Variants in SLC25A21 observed in about 807,000 individuals in gnomAD.
SLC25A21 encodes solute carrier family 25 member 21, also known as mitochondrial 2-oxodicarboxylate carrier.
Under a neutral mutation model 43.8 loss-of-function variants are expected in SLC25A21, and 47 were observed. The observed-to-expected ratio is 1.07, with a 90% confidence interval of 0.85 to 1.37. SLC25A21 has a LOEUF of 1.37. SLC25A21 is among the 40% of genes most tolerant of loss of function. SLC25A21 has a pLI of 0.00. For synonymous variants in SLC25A21, 131 were observed against 121.3 expected (o/e 1.08, Z -0.52); for missense variants, 352 against 350.2 (o/e 1.00, Z -0.04).
At chr14:36,930,268 A>C (rs1032857566) in intron 1 of SLC25A21, among the ~76,000 whole-genome samples, 2 of 152,198 alleles carry the variant, frequency 1.3e-5, no homozygotes, top group Non-Finnish European at 2.9e-5. Context: ...CACAAAAATA[A>C]AACATTAGTC....
intron 1 of SLC25A21, among the ~76,000 whole-genome samples, chr14:37,153,351 G>A (rs1963791687): frequency 2.0e-5 from 3 of 152,224 alleles, no homozygotes; most frequent in Admixed American, 6.5e-5. Flanking sequence ...GGAATGAGGA[G>A]TAAGATGGGA....
intron 1 of SLC25A21, among the ~76,000 whole-genome samples, chr14:37,014,822 G>T (rs1594752929): frequency 6.6e-6 from 1 of 152,100 alleles, no homozygotes; most frequent in African/African-American, 2.4e-5. Context: ...TGGCAGGCAT[G>T]AAAACAACAT....
chr14:36,975,223 G>A (rs1240203054), intron 1 of SLC25A21, among the ~76,000 whole-genome samples: 3 of 150,034 alleles, frequency 2.0e-5, no homozygotes, highest in African/African-American at 7.3e-5. Context: ...GATGCCAGAG[G>A]GTGTGGAAGC....
At chr14:36,818,698 T>G (rs527786698) in intron 2 of SLC25A21, among the ~76,000 whole-genome samples, 1 of 152,342 alleles carries the variant, frequency 6.6e-6, no homozygotes, top group South Asian at 2.1e-4. Context: ...TTATCAGTTC[T>G]TCTCAGGAAT....
chr14:36,810,726 C>G (rs1434933035), intron 3 of SLC25A21, among the ~76,000 whole-genome samples: 1 of 152,146 alleles, frequency 6.6e-6, no homozygotes, highest in South Asian at 2.1e-4. Flanking sequence ...CTGAGTGTCT[C>G]TACTCAGTGC....
At chr14:36,725,809 C>A in intron 5 of SLC25A21, 132 bp from the exon 6 acceptor site, 7 of 364,586 alleles carry the variant, frequency 1.9e-5, no homozygotes, top group East Asian at 4.6e-5. Context: ...CACCATATTC[C>A]ATTACTAAAC....
intron 2 of SLC25A21, among the ~76,000 whole-genome samples, chr14:36,868,149 G>T (rs1202147035): frequency 6.8e-6 from 1 of 147,426 alleles, no homozygotes; most frequent in African/African-American, 2.5e-5. Flanking sequence ...TATAATTAAA[G>T]ATTATTTTAT....
At chr14:36,988,673 A>G (rs191638713) in intron 1 of SLC25A21, among the ~76,000 whole-genome samples, 31 of 152,270 alleles carry the variant, frequency 2.0e-4, no homozygotes, top group African/African-American at 6.5e-4. Flanking sequence ...ACTCAGACCA[A>G]CTGAGCTGGA....
intron 1 of SLC25A21, among the ~76,000 whole-genome samples, chr14:36,983,136 T>C (rs541681361): frequency 1.3e-5 from 2 of 152,340 alleles, no homozygotes; most frequent in African/African-American, 4.8e-5. Context: ...TCACTTGACA[T>C]TTAAGAGTCT....
intron 1 of SLC25A21, among the ~76,000 whole-genome samples, chr14:36,931,347 T>G (rs566509062): frequency 3.3e-5 from 5 of 152,150 alleles, no homozygotes; most frequent in Non-Finnish European, 7.4e-5. Context: ...TTGGCAAGGA[T>G]GCAGATAGCT....
chr14:36,800,647 G>A (rs1887838632), intron 3 of SLC25A21, among the ~76,000 whole-genome samples: 1 of 152,122 alleles, frequency 6.6e-6, no homozygotes, highest in African/African-American at 2.4e-5. Context: ...GAAAAGTTCT[G>A]AAGATGCAGT....
At chr14:37,073,758 G>C (rs1225028985) in intron 1 of SLC25A21, among the ~76,000 whole-genome samples, 3 of 151,940 alleles carry the variant, frequency 2.0e-5, no homozygotes, top group Admixed American at 6.6e-5. Flanking sequence ...CAGGCACTCT[G>C]GTATCAATTT....
intron 1 of SLC25A21, among the ~76,000 whole-genome samples, chr14:37,122,297 G>T (rs188383104): frequency 1.3e-5 from 2 of 152,298 alleles, no homozygotes. Flanking sequence ...GGATTTTCAT[G>T]TCTAAATTCT....
chr14:36,970,780 T>C (rs971869789), intron 1 of SLC25A21, among the ~76,000 whole-genome samples: 5 of 152,218 alleles, frequency 3.3e-5, no homozygotes, highest in African/African-American at 1.2e-4. Flanking sequence ...TAGTTTTATA[T>C]GGCTTGATCT....
At chr14:36,779,371 CTATA>C (rs575814051) in intron 3 of SLC25A21, among the ~76,000 whole-genome samples, 1,777 of 142,892 alleles carry the variant, frequency 0.012, 37 homozygotes, top group African/African-American at 0.042. Flanking sequence ...ATATCTCTCT[CTATA>C]TATACACACA....
chr14:36,925,772 A>G (rs2138630322), intron 1 of SLC25A21, among the ~76,000 whole-genome samples: 1 of 152,178 alleles, frequency 6.6e-6, no homozygotes, highest in East Asian at 1.9e-4. Context: ...GCTTGAACCC[A>G]GGGGGCAGAG....
intron 7 of SLC25A21, among the ~76,000 whole-genome samples, chr14:36,689,798 C>G (rs1406352246): frequency 6.6e-6 from 1 of 152,184 alleles, no homozygotes; most frequent in African/African-American, 2.4e-5. Flanking sequence ...TTGAACAAGT[C>G]CTCCAAGTTA....
intron 3 of SLC25A21, among the ~76,000 whole-genome samples, chr14:36,758,777 T>C (rs1886030850): frequency 6.6e-6 from 1 of 152,092 alleles, no homozygotes; most frequent in Admixed American, 6.5e-5. Context: ...ACTGGATGCA[T>C]CCTGAGGGAA....
At chr14:36,802,147 C>G (rs771427569) in intron 3 of SLC25A21, among the ~76,000 whole-genome samples, 1 of 152,048 alleles carries the variant, frequency 6.6e-6, no homozygotes, top group Non-Finnish European at 1.5e-5. Flanking sequence ...CTTAATGATA[C>G]CATGGGTGTC....
Sources: gnomAD v4.1 joint callset for allele counts (sites outside exome capture counted in the v4.1 genomes callset) on GRCh38, gnomAD v4.1.1 for gene constraint, MANE v1.5 for transcripts, NCBI Gene and HGNC (gene_info 2026-07-23, HGNC 2026-07-21) for gene names.